Variants in BCR observed in about 807,000 individuals in gnomAD.
BCR encodes the protein breakpoint cluster region protein.
A neutral mutation model predicts 138.6 loss-of-function variants in BCR; 58 were observed. The ratio of observed to expected loss-of-function variants is 0.42; its 90% confidence interval spans 0.34 to 0.52. The LOEUF (loss-of-function observed/expected upper bound fraction) is 0.52, where lower values mean the gene tolerates loss of function less well. Ranked by LOEUF, BCR falls within the 20% of genes least tolerant of loss-of-function variation. The pLI is 0.06. For missense variants in BCR, 1,599 were observed against 1,727.2 expected (o/e 0.93, Z 1.32); for synonymous variants, 786 against 730.1 (o/e 1.08, Z -1.23).
chr22:23,245,470 CTG>C (rs2073145924), intron 1 of BCR, among the ~76,000 whole-genome samples: 1 of 152,176 alleles, frequency 6.6e-6, no homozygotes, highest in East Asian at 1.9e-4. Context: ...GGGGTGCTCT[CTG>C]TGTACCCTTC....
At chr22:23,199,565 G>C (rs912448224) in intron 1 of BCR, among the ~76,000 whole-genome samples, 59 of 152,332 alleles carry the variant, frequency 3.9e-4, no homozygotes, top group African/African-American at 1.4e-3. Flanking sequence ...CTAGGGGTCT[G>C]CCGCCTAATA....
At chr22:23,295,504 G>A (rs946430691) in intron 16 of BCR, among the ~76,000 whole-genome samples, 3 of 152,178 alleles carry the variant, frequency 2.0e-5, no homozygotes, top group African/African-American at 7.2e-5. Flanking sequence ...TCCTGTGCCA[G>A]TCTTCTTAGA....
intron 1 of BCR, among the ~76,000 whole-genome samples, chr22:23,191,025 C>T (rs1023154927): frequency 1.3e-5 from 2 of 152,008 alleles, no homozygotes; most frequent in Admixed American, 1.3e-4. Context: ...CACAAACTCT[C>T]GGGCTCAAGC....
At chr22:23,269,326 A>G (rs1441005389) in intron 5 of BCR, among the ~76,000 whole-genome samples, 8 of 152,016 alleles carry the variant, frequency 5.3e-5, no homozygotes, top group Admixed American at 6.5e-5. Flanking sequence ...TGAGCCCCCC[A>G]TCTCGCTGTA....
At chr22:23,295,319 T>C (rs1185789349) in intron 16 of BCR, among the ~76,000 whole-genome samples, 164 bp downstream of exon 16, 1 of 152,084 alleles carries the variant, frequency 6.6e-6, no homozygotes. Flanking sequence ...GGTGCCTGCA[T>C]GTATCTTGAT....
At chr22:23,278,372 G>A (rs1257138129) in intron 8 of BCR, among the ~76,000 whole-genome samples, 2 of 152,208 alleles carry the variant, frequency 1.3e-5, no homozygotes, top group Non-Finnish European at 2.9e-5. Flanking sequence ...GCAGGCTTGA[G>A]GCTGAGAGAT....
intron 1 of BCR, among the ~76,000 whole-genome samples, chr22:23,219,086 C>T (rs1395364297): frequency 6.6e-6 from 1 of 152,136 alleles, no homozygotes; most frequent in Non-Finnish European, 1.5e-5. Flanking sequence ...GATGGATGGA[C>T]GGAGGGCCAG....
chr22:23,255,908 G>C (rs1203192608), intron 2 of BCR, among the ~76,000 whole-genome samples: 2 of 152,224 alleles, frequency 1.3e-5, no homozygotes, highest in African/African-American at 4.8e-5. Context: ...TTGGCCCAGA[G>C]CTGGTCTGAA....
intron 21 of BCR, 86 bp from the exon 22 acceptor site, chr22:23,314,466 C>T (rs2074044702): frequency 1.3e-6 from 2 of 1,493,918 alleles, no homozygotes; most frequent in South Asian, 2.3e-5. Flanking sequence ...TCACTCCCTT[C>T]CTGAGAACTC....
At chr22:23,249,499 A>T (rs911123331) in intron 1 of BCR, among the ~76,000 whole-genome samples, 2 of 151,538 alleles carry the variant, frequency 1.3e-5, no homozygotes, top group Non-Finnish European at 2.9e-5. Flanking sequence ...ACTTAGAAGG[A>T]TCCCTTGAGC....
intron 4 of BCR, chr22:23,263,602 G>T: frequency 6.5e-7 from 1 of 1,531,114 alleles, no homozygotes; most frequent in African/African-American, 1.4e-5. Context: ...TGCTGGGCAT[G>T]ATGAGGACGT....
chr22:23,283,211 GA>G (rs1243411478), intron 8 of BCR: 3 of 152,312 alleles, frequency 2.0e-5, no homozygotes, highest in Non-Finnish European at 4.4e-5. Flanking sequence ...TTGCCTTTCA[GA>G]TGCAGACCAA....
At chr22:23,291,436 T>A (rs1235139011) in intron 14 of BCR, among the ~76,000 whole-genome samples, 1 of 152,036 alleles carries the variant, frequency 6.6e-6, no homozygotes. Context: ...TTACATGACA[T>A]GCAGATTGCA....
intron 1 of BCR, among the ~76,000 whole-genome samples, chr22:23,209,943 T>TC (rs1176961634): frequency 1.3e-5 from 2 of 152,206 alleles, no homozygotes; most frequent in Non-Finnish European, 2.9e-5. Flanking sequence ...ATGGTATTTT[T>TC]CACATATCAG....
At position 23,255,831 on chromosome 22, in the gene BCR, C is replaced by T. The variant is rs150297780; in HGVS notation, c.1461+1851C>T. Among the ~76,000 whole-genome samples the T allele has an allele frequency of 2.3e-3, 349 of 152,338 alleles. 3 individuals are homozygous for T. The highest frequency in any genetic ancestry group is 8.0e-3 in the African/African-American group (333 of 41,576). On this transcript the variant is annotated intron_variant, in intron 2 of 22. Transcript: ENST00000305877. Reference sequence around the variant, plus strand: ...GGAGCTGTAGATGTTTCTCGTGGTGCACATCCTGCAGGAGGTTGCACGTCT... The same window carrying T: ...GGAGCTGTAGATGTTTCTCGTGGTGTACATCCTGCAGGAGGTTGCACGTCT...
chr22:23,313,578 A>ACCCTC (rs1385414592), intron 20 of BCR, among the ~76,000 whole-genome samples: 68 of 151,752 alleles, frequency 4.5e-4, no homozygotes, highest in African/African-American at 1.6e-3. Flanking sequence ...TGGGGCTGGG[A>ACCCTC]CCCTCCCACT....
chr22:23,195,159 G>A lies in BCR; in HGVS notation c.1279+12920G>A, dbSNP rs182495877. Among the ~76,000 whole-genome samples the A allele has an allele frequency of 1.7e-3, 259 of 152,132 alleles. 2 individuals are homozygous for A. Among genetic ancestry groups the A allele is most frequent in the African/African-American group, 4.7e-3 (193 of 41,504 alleles). ...GAGCAGGCTGAGAGCAGTGGTTCAC[G>A]CCTGTAATCCTAGCACTTTGGGAGG... is the stretch of plus-strand genomic sequence containing the variant. On this transcript the variant is annotated intron_variant, in intron 1 of 22. Coordinates refer to ENST00000305877, the MANE Select transcript of BCR (RefSeq NM_004327.4).
chr22:23,266,721 G>T (rs928273024), intron 4 of BCR, among the ~76,000 whole-genome samples: 18 of 152,242 alleles, frequency 1.2e-4, no homozygotes, highest in African/African-American at 4.3e-4. Context: ...GCCCACTCGG[G>T]TTTGCCAGTT....
chr22:23,232,503 G>T (rs2072970449), intron 1 of BCR, among the ~76,000 whole-genome samples: 2 of 152,156 alleles, frequency 1.3e-5, no homozygotes, highest in Admixed American at 1.3e-4. Flanking sequence ...GGGAGTGGGG[G>T]GTGCACCAGA....
Sources: allele counts gnomAD v4.1 joint callset (sites outside exome capture counted in the v4.1 genomes callset), GRCh38; gene constraint gnomAD v4.1.1; transcripts MANE v1.5; gene names NCBI Gene and HGNC (gene_info 2026-07-23, HGNC 2026-07-21).